Variants in COL1A2 observed in about 807,000 individuals in gnomAD.
COL1A2 encodes collagen alpha-2(I) chain.
COL1A2 carries 49 observed loss-of-function variants against 174.3 expected under a neutral mutation model. The ratio of observed to expected loss-of-function variants is 0.28; its 90% CI spans 0.22 to 0.36. The LOEUF (loss-of-function observed/expected upper bound fraction) is 0.36, where lower values mean the gene tolerates loss of function less well. COL1A2 is among the 10% of genes least tolerant of loss of function. The pLI, the probability that COL1A2 is intolerant of heterozygous loss-of-function variation, is 1.00. For synonymous variants in COL1A2, 655 were observed against 606.6 expected (o/e 1.08, Z -1.17); for missense variants, 1,438 against 1,822.7 (o/e 0.79, Z 3.84).
At chr7:94,426,072 T>C in intron 45 of COL1A2, 21 bp downstream of exon 45, 1 of 1,604,166 alleles carries the variant, frequency 6.2e-7, no homozygotes, top group Non-Finnish European at 8.5e-7. Context: ...GCTGAAGATT[T>C]CTTTGCAACA....
At chr7:94,400,893 G>C (rs1791676537) in intron 5 of COL1A2, among the ~76,000 whole-genome samples, 1 of 152,068 alleles carries the variant, frequency 6.6e-6, no homozygotes, top group African/African-American at 2.4e-5. Flanking sequence ...ATACCCAACT[G>C]TATGTCAGTA....
At chr7:94,416,325 C>T (rs1377942961) in intron 30 of COL1A2, 80 bp from the exon 31 acceptor site, 3 of 1,274,278 alleles carry the variant, frequency 2.4e-6, no homozygotes, top group Non-Finnish European at 3.3e-6. Flanking sequence ...GGAAGCTACA[C>T]AAATGTAAAC....
chr7:94,405,649 C>T, intron 10 of COL1A2, 24 bp from the exon 11 acceptor site: 3 of 1,590,658 alleles, frequency 1.9e-6, no homozygotes, highest in Non-Finnish European at 1.7e-6. Context: ...ACATTATTCA[C>T]CATCTTCTGT....
chr7:94,429,098 C>CTTTTTT (rs11374490), intron 50 of COL1A2, 90 bp from the exon 51 acceptor site: 19 of 927,150 alleles, frequency 2.0e-5, no homozygotes, highest in Admixed American at 5.1e-5. Flanking sequence ...TTCCTGAGAT[C>CTTTTTT]TTTTTTTTTC....
rs2472 is a variant in COL1A2 at position 94,422,138 on chromosome 7, T to C, written c.2403+186T>C. 24,900 of 526,010 alleles carry C rather than the reference T, an allele frequency of 0.047. 788 individuals carry two copies. Among genetic ancestry groups the C allele is most frequent in the Non-Finnish European group, 0.065 (19,381 of 297,070 alleles). The allele number at this position is 526,010 out of a possible 1,614,324, so 32.6% of individuals were successfully genotyped here. A position where few individuals can be genotyped will look rare whatever the true frequency, so the allele number is the denominator to read the frequency against. ...CACAAGTTATATTTTATAATATCAGTTTAAGAGGCTTTTATTCATGTGAAC... is the reference window on the plus strand; with the variant it reads ...CACAAGTTATATTTTATAATATCAGCTTAAGAGGCTTTTATTCATGTGAAC... On this transcript the variant is annotated intron_variant, in intron 39 of 51. Transcript: ENST00000297268.
At chr7:94,408,516 T>C in intron 15 of COL1A2, 136 bp downstream of exon 15, 2 of 1,183,294 alleles carry the variant, frequency 1.7e-6, no homozygotes, top group Non-Finnish European at 2.5e-6. Flanking sequence ...GAAGGCTCCA[T>C]TTATAAGTAG....
chr7:94,421,486 A>T (rs1261766936), intron 38 of COL1A2: 1 of 359,824 alleles, frequency 2.8e-6, no homozygotes, highest in East Asian at 6.2e-5. Context: ...GTCATTTGTT[A>T]TTCTTTTGTC....
chr7:94,402,420 AG>A (rs1322393371), intron 6 of COL1A2, among the ~76,000 whole-genome samples: 4 of 152,086 alleles, frequency 2.6e-5, no homozygotes, highest in African/African-American at 9.7e-5. Flanking sequence ...TATAGAAGAG[AG>A]TATGAGTAAA....
chr7:94,429,537 G>A, intron 51 of COL1A2, 107 bp downstream of exon 51: 2 of 1,178,764 alleles, frequency 1.7e-6, no homozygotes, highest in East Asian at 4.7e-5. Flanking sequence ...AAGAACAGAA[G>A]AATGAGAGAA....
At chr7:94,414,384 T>A (rs1791995147) in intron 29 of COL1A2, 109 bp downstream of exon 29, 3 of 1,017,104 alleles carry the variant, frequency 2.9e-6, no homozygotes, top group Non-Finnish European at 4.6e-6. Flanking sequence ...ATTTCGTATT[T>A]CATATGTTAA....
intron 4 of COL1A2, among the ~76,000 whole-genome samples, chr7:94,399,607 A>G (rs1791646339): frequency 6.6e-6 from 1 of 152,222 alleles, no homozygotes; most frequent in East Asian, 1.9e-4. Context: ...CACTTTTGCC[A>G]ATATATGAAT....
At position 94,417,541 on chromosome 7, in the gene COL1A2, A is replaced by G. The variant is rs916817416; in HGVS notation, c.1864-183A>G. On this transcript the variant is annotated intron_variant, in intron 31 of 51. Coordinates refer to ENST00000297268, the MANE Select transcript of COL1A2 (RefSeq NM_000089.4). The stretch of plus-strand genomic sequence containing the variant: ...CACTACCCTCATCTCTTCAGTCACC[A>G]TGTCATTAACAGCATCTCTCTCTGC... The G allele has an allele frequency of 1.5e-5, 9 of 620,230 alleles. No homozygotes were observed. The Admixed American group carries it at 1.5e-4, about 11-fold the overall frequency. 38.4% of individuals were successfully genotyped at this position (620,230 alleles called of 1,614,324 possible).
rs1792297116 is a variant in COL1A2 at position 94,427,222 on chromosome 7, A to G, written c.3194A>G (p.Asp1065Gly). The change falls in exon 48 of 52, where the codon GAT becomes GGT. Residue 1065 changes from aspartate (D) to glycine (G), a missense_variant. Transcript: ENST00000297268. ...PAGPSGPAGKDGRTGHPGTVG... is the reference protein window; with the variant it reads ...PAGPSGPAGKGGRTGHPGTVG... ...GGTCCTTCTGGCCCTGCTGGAAAAG[A>G]TGGTCGCACTGGACATCCTGGTACA... The G allele has an allele frequency of 1.2e-6, 2 of 1,613,890 alleles. No individual in the cohort carries two copies. Among genetic ancestry groups the G allele is most frequent in the Non-Finnish European group, 8.5e-7 (1 of 1,179,948 alleles).
Position 94,413,105 on chromosome 7 carries a change from A to T in COL1A2, c.1526A>T (p.Asp509Val). 1.2e-6 allele frequency: 2 copies of T among 1,614,208 alleles called. No homozygotes were observed. Among genetic ancestry groups the T allele is most frequent in the African/African-American group, 1.3e-5 (1 of 75,042 alleles). ...GPTGDPGKNG[D>V]KGHAGLAGAR... ...TAGGGTGATCCTGGCAAAAACGGTG[A>T]TAAAGGTCATGCTGGTCTTGCTGGT... The change falls in exon 26 of 52, where the codon GAT becomes GTT. Residue 509 changes from aspartate (D) to valine (V), a missense_variant. This residue lies in a region of COL1A2 where 867 missense variants were observed against 1,213.7 expected (regional missense o/e 0.71). Coordinates refer to ENST00000297268, the MANE Select transcript of COL1A2 (RefSeq NM_000089.4).
At chr7:94,426,097 G>C in intron 45 of COL1A2, 46 bp downstream of exon 45, 2 of 1,526,024 alleles carry the variant, frequency 1.3e-6, no homozygotes, top group Non-Finnish European at 1.8e-6. Flanking sequence ...CATTTAGAGA[G>C]AATCAGTCCA....
At chr7:94,397,423 A>G (rs182013065) in intron 1 of COL1A2, among the ~76,000 whole-genome samples, 94 of 152,288 alleles carry the variant, frequency 6.2e-4, no homozygotes, top group African/African-American at 2.2e-3. Flanking sequence ...TCATCTGTGC[A>G]CTTTACCAGC....
At position 94,420,528 on chromosome 7, in the gene COL1A2, T is replaced by C. The variant is rs1398495859; in HGVS notation, c.2188-13T>C. The C allele has an allele frequency of 1.2e-6, 2 of 1,613,944 alleles. No homozygotes were observed. Among genetic ancestry groups the C allele is most frequent in the African/African-American group, 1.3e-5 (1 of 74,890 alleles). On this transcript the variant is annotated splice_polypyrimidine_tract_variant and intron_variant, in intron 36 of 51. Transcript: ENST00000297268. ...GTCGGAATACCAGAGCTGTAACTGT[T>C]TATTTCCAACAGGGTGCTGCTGGTC...
intron 31 of COL1A2, 76 bp downstream of exon 31, chr7:94,416,579 A>T (rs1427376149): frequency 8.9e-7 from 1 of 1,120,208 alleles, no homozygotes; most frequent in Non-Finnish European, 1.3e-6. Flanking sequence ...CAATAGAAAG[A>T]TAATTGTTTT....
In COL1A2 at chr7:94,427,300, GTA is replaced by G; in HGVS notation, c.3267+7_3267+8del. Reference sequence around the variant, plus strand: ...CAGGGTCACCAAGGCCCTGCTGTAAGTATGATTTGGGGAAATAATAAAGAAGA... The same window carrying G: ...CAGGGTCACCAAGGCCCTGCTGTAAGTGATTTGGGGAAATAATAAAGAAGA... On this transcript the variant is annotated splice_donor_region_variant and intron_variant, in intron 48 of 51. Transcript: ENST00000297268. 1 of 1,605,080 alleles carries G rather than the reference GTA, an allele frequency of 6.2e-7. No homozygotes were observed. The highest frequency in any genetic ancestry group is 1.1e-5 in the South Asian group (1 of 89,886).
Sources: allele counts gnomAD v4.1 joint callset (sites outside exome capture counted in the v4.1 genomes callset), GRCh38; gene constraint gnomAD v4.1.1; regional missense constraint gnomAD v4.1.1; transcripts MANE v1.5; gene names NCBI Gene and HGNC (gene_info 2026-07-23, HGNC 2026-07-21).